The following NELL1 variants were observed in gnomAD, a reference collection of about 807,000 sequenced individuals.
NELL1 encodes the protein neural EGFL like 1, also known as protein kinase C-binding protein NELL1.
NELL1 carries 76 observed loss-of-function variants against 107.4 expected under a neutral mutation model. That is an observed-to-expected ratio of 0.71 (90% confidence interval 0.59 to 0.86). NELL1 has a LOEUF of 0.86. NELL1 is among the 40% of genes least tolerant of loss of function. The probability of loss-of-function intolerance (pLI) is 0.00; values close to 1 mark genes in which losing one functional copy is unlikely to be tolerated. For missense variants in NELL1, 1,024 were observed against 1,005.5 expected (o/e 1.02, Z -0.25); for synonymous variants, 353 against 341.2 (o/e 1.03, Z -0.38).
intron 12 of NELL1, among the ~76,000 whole-genome samples, chr11:21,056,764 G>C (rs1199980658): frequency 6.6e-6 from 1 of 151,970 alleles, no homozygotes; most frequent in Non-Finnish European, 1.5e-5. Context: ...TTCCATATTT[G>C]CCAATTCATA....
intron 14 of NELL1, among the ~76,000 whole-genome samples, chr11:21,324,430 G>A (rs4376902): frequency 0.88 from 134,270 of 152,114 alleles, 59,580 homozygotes; most frequent in Middle Eastern, 0.93. Flanking sequence ...AAGGAGTACT[G>A]TTGATTTTCC....
At chr11:21,358,948 C>A (rs556877257) in intron 14 of NELL1, among the ~76,000 whole-genome samples, 13 of 152,032 alleles carry the variant, frequency 8.6e-5, no homozygotes, top group Non-Finnish European at 1.3e-4. Context: ...TTCCTCTTTA[C>A]TGATTTGGAT....
intron 7 of NELL1, among the ~76,000 whole-genome samples, chr11:20,922,387 G>A (rs1024555460): frequency 6.6e-5 from 10 of 151,882 alleles, no homozygotes; most frequent in African/African-American, 2.4e-4. Context: ...ATTGAATACA[G>A]CAGTTTAGTT....
intron 13 of NELL1, among the ~76,000 whole-genome samples, chr11:21,167,971 C>G (rs770192920): frequency 2.6e-5 from 4 of 151,650 alleles, no homozygotes; most frequent in Non-Finnish European, 5.9e-5. Context: ...AGAGTACTCA[C>G]CAGAATCTGT....
At chr11:21,532,928 C>A (rs1169467828) in intron 15 of NELL1, among the ~76,000 whole-genome samples, 1 of 152,082 alleles carries the variant, frequency 6.6e-6, no homozygotes, top group Admixed American at 6.6e-5. Context: ...GAACCTGGAC[C>A]TGTAAAATTT....
intron 7 of NELL1, among the ~76,000 whole-genome samples, chr11:20,924,158 T>C (rs557989177): frequency 1.3e-5 from 2 of 152,336 alleles, no homozygotes; most frequent in Non-Finnish European, 2.9e-5. Context: ...AATGAATGTG[T>C]ATAAATTCAG....
intron 12 of NELL1, among the ~76,000 whole-genome samples, chr11:21,110,997 C>A (rs998994325): frequency 1.1e-4 from 16 of 152,252 alleles, no homozygotes; most frequent in Admixed American, 4.6e-4. Context: ...TTTCCAGTTT[C>A]ATTTCAAATA....
intron 12 of NELL1, among the ~76,000 whole-genome samples, chr11:20,970,071 CCA>C (rs1851466482): frequency 6.6e-6 from 1 of 151,906 alleles, no homozygotes; most frequent in Non-Finnish European, 1.5e-5. Flanking sequence ...ATCCATCCAT[CCA>C]TCCATCCATC....
chr11:20,935,216 A>G (rs1850698701), intron 9 of NELL1, among the ~76,000 whole-genome samples: 2 of 152,292 alleles, frequency 1.3e-5, no homozygotes, highest in South Asian at 2.1e-4. Flanking sequence ...TTAGGATGTC[A>G]TGTGATATAT....
chr11:21,293,749 C>T (rs1447547813), intron 14 of NELL1, among the ~76,000 whole-genome samples: 2 of 152,074 alleles, frequency 1.3e-5, no homozygotes, highest in African/African-American at 4.8e-5. Flanking sequence ...TACTATGCAG[C>T]CATGAAAAAG....
intron 16 of NELL1, among the ~76,000 whole-genome samples, chr11:21,535,465 C>T (rs553676037): frequency 3.0e-4 from 45 of 152,216 alleles, no homozygotes; most frequent in African/African-American, 1.0e-3. Context: ...GAGATATAGT[C>T]AGTGTTTTTT....
intron 16 of NELL1, among the ~76,000 whole-genome samples, chr11:21,538,640 C>T (rs1160224469): frequency 6.6e-6 from 1 of 152,114 alleles, no homozygotes; most frequent in East Asian, 1.9e-4. Context: ...GGGTACAATG[C>T]ACTCTGTGTT....
intron 14 of NELL1, among the ~76,000 whole-genome samples, chr11:21,368,497 G>A (rs780279476): frequency 3.3e-5 from 5 of 151,858 alleles, no homozygotes; most frequent in South Asian, 4.2e-4. Flanking sequence ...GTAAGATTTC[G>A]AAGGCAAAGA....
intron 12 of NELL1, among the ~76,000 whole-genome samples, chr11:20,981,364 AG>A (rs1307264163): frequency 6.6e-6 from 1 of 152,158 alleles, no homozygotes; most frequent in East Asian, 1.9e-4. Context: ...GCCCCATCAA[AG>A]GTATGTGGGT....
chr11:21,146,286 G>A (rs1004596465), intron 13 of NELL1, among the ~76,000 whole-genome samples: 2 of 151,894 alleles, frequency 1.3e-5, no homozygotes, highest in African/African-American at 4.8e-5. Context: ...ATGATAAAGG[G>A]CCACTTACAG....
intron 7 of NELL1, among the ~76,000 whole-genome samples, chr11:20,925,122 T>A (rs190264338): frequency 6.1e-4 from 93 of 152,342 alleles, no homozygotes; most frequent in African/African-American, 2.2e-3. Flanking sequence ...TTTCAGATTT[T>A]GGTATCTGCA....
At chr11:21,545,434 G>C (rs192423619) in intron 16 of NELL1, among the ~76,000 whole-genome samples, 4 of 152,062 alleles carry the variant, frequency 2.6e-5, no homozygotes, top group Admixed American at 2.0e-4. Context: ...GGGACTTTGA[G>C]ACTTTATTGG....
chr11:21,533,778 T>C (rs535085830), intron 15 of NELL1, among the ~76,000 whole-genome samples: 1 of 152,260 alleles, frequency 6.6e-6, no homozygotes, highest in African/African-American at 2.4e-5. Context: ...CAAACTGTGT[T>C]CCCCACAACA....
At chr11:20,745,214 C>T (rs1016023502) in intron 2 of NELL1, among the ~76,000 whole-genome samples, 27 of 152,268 alleles carry the variant, frequency 1.8e-4, no homozygotes, top group Non-Finnish European at 3.5e-4. Flanking sequence ...AATAGGTGAT[C>T]AGTAAATATT....
Sources: allele counts gnomAD v4.1 joint callset (sites outside exome capture counted in the v4.1 genomes callset), GRCh38; gene constraint gnomAD v4.1.1; transcripts MANE v1.5; gene names NCBI Gene and HGNC (gene_info 2026-07-23, HGNC 2026-07-21).